The following GOLM1 variants were observed in gnomAD, a reference collection of about 807,000 sequenced individuals.
GOLM1 encodes golgi membrane protein 1.
In GOLM1, 31 loss-of-function variants were observed where a neutral mutation model predicts 50.5. The ratio of observed to expected loss-of-function variants is 0.61; its 90% CI spans 0.46 to 0.83. GOLM1 has a LOEUF of 0.83. Among genes scored for constraint, GOLM1 ranks in the 40% least tolerant of loss-of-function variants. The pLI, the probability that GOLM1 is intolerant of heterozygous loss-of-function variation, is 0.00. For missense variants in GOLM1, 491 were observed against 501.3 expected (o/e 0.98, Z 0.20); for synonymous variants, 178 against 192.8 (o/e 0.92, Z 0.64).
At position 86,087,012 on chromosome 9, in the gene GOLM1, G is replaced by A. The variant is rs139347528; in HGVS notation, c.-21-7671C>T. ...AGAAAGTCAAGGGTAGCTTGATGGC[G>A]ATAGCATTGAATCTATAAATTACTT... On this transcript the variant is annotated intron_variant, in intron 1 of 9. Transcript: ENST00000388712. 5.3e-3 allele frequency among the ~76,000 whole-genome samples: 804 copies of A among 152,270 alleles called. 8 individuals are homozygous for A. Among genetic ancestry groups the A allele is most frequent in the African/African-American group, 0.017 (725 of 41,560 alleles).
intron 1 of GOLM1, among the ~76,000 whole-genome samples, chr9:86,095,934 G>A (rs1835344126): frequency 6.6e-6 from 1 of 152,112 alleles, no homozygotes; most frequent in African/African-American, 2.4e-5. Flanking sequence ...TACTGATGTG[G>A]GTCAGGCCAA....
At chr9:86,038,415 G>A (rs72746687) in intron 6 of GOLM1, among the ~76,000 whole-genome samples, 46 of 152,184 alleles carry the variant, frequency 3.0e-4, no homozygotes, top group Middle Eastern at 3.4e-3. Flanking sequence ...GAGCTCCTGC[G>A]GGCATATTAT....
intron 1 of GOLM1, chr9:86,079,621 G>A (rs1013549812): frequency 6.9e-6 from 2 of 291,892 alleles, no homozygotes; most frequent in African/African-American, 4.3e-5. Flanking sequence ...GAGACCTGGG[G>A]CAAGACATGA....
At chr9:86,058,624 A>C (rs1192144225) in intron 3 of GOLM1, among the ~76,000 whole-genome samples, 3 of 143,990 alleles carry the variant, frequency 2.1e-5, no homozygotes, top group Non-Finnish European at 4.5e-5. Flanking sequence ...TGAACATAGG[A>C]GGCGGAGGTT....
chr9:86,089,889 G>A (rs1384250826), intron 1 of GOLM1, among the ~76,000 whole-genome samples: 1 of 152,120 alleles, frequency 6.6e-6, no homozygotes, highest in Non-Finnish European at 1.5e-5. Context: ...TCATCTTTGT[G>A]GATGTATCTA....
Position 86,079,208 on chromosome 9 carries a change from C to A in GOLM1, c.113G>T (p.Arg38Leu), listed in dbSNP as rs763578163. The A allele has an allele frequency of 6.3e-7, 1 of 1,595,250 alleles. No homozygotes were observed. The stretch of plus-strand genomic sequence containing the variant: ...ACAAAACACCTGGAGGTCCACGCTC[C>A]GGGAGCTCGCAATCCAGTAGTTGAA... Reference protein sequence around the residue: ...LGFNYWIASSRSVDLQTRIME... With the variant: ...LGFNYWIASSLSVDLQTRIME... Residue 38 changes from arginine (R) to leucine (L), a missense_variant, in exon 2 of 10, where the codon CGG becomes CTG. Physicochemically the swap from Arg to Leu is moderately radical, Grantham distance 102. Coordinates refer to ENST00000388712, the MANE Select transcript of GOLM1 (RefSeq NM_016548.4).
chr9:86,088,421 T>TAC (rs1644166269), intron 1 of GOLM1, among the ~76,000 whole-genome samples: 4 of 4,730 alleles, frequency 8.5e-4, no homozygotes, highest in Non-Finnish European at 7.9e-4. Context: ...TTGAAGGGTG[T>TAC]ATATATATAT....
chr9:86,060,961 C>G (rs1180247217), intron 3 of GOLM1, among the ~76,000 whole-genome samples: 1 of 141,424 alleles, frequency 7.1e-6, no homozygotes, highest in Non-Finnish European at 1.5e-5. Flanking sequence ...GTGACTGACA[C>G]TGAATACTTG....
At chr9:86,043,918 A>C (rs1286860162) in intron 5 of GOLM1, among the ~76,000 whole-genome samples, 2 of 152,178 alleles carry the variant, frequency 1.3e-5, no homozygotes, top group African/African-American at 2.4e-5. Flanking sequence ...TTTGTGTTTC[A>C]ATCTATATGA....
At chr9:86,036,315 C>A (rs764223641) in intron 7 of GOLM1, 33 bp downstream of exon 7, 1 of 1,612,698 alleles carries the variant, frequency 6.2e-7, no homozygotes, top group Non-Finnish European at 8.5e-7. Context: ...CTCTGGAGAG[C>A]TGGGAACAGG....
At chr9:86,035,208 G>A (rs1833095357) in intron 8 of GOLM1, 160 bp downstream of exon 8, 3 of 985,312 alleles carry the variant, frequency 3.0e-6, no homozygotes, top group Non-Finnish European at 3.6e-6. Flanking sequence ...CCTCCCTCTT[G>A]ATAACGAATA....
At chr9:86,029,078 C>G (rs925788326) in intron 9 of GOLM1, among the ~76,000 whole-genome samples, 4 of 151,948 alleles carry the variant, frequency 2.6e-5, no homozygotes, top group Non-Finnish European at 4.4e-5. Context: ...AGGATGATCT[C>G]GATCTCCTGA....
At position 86,037,186 on chromosome 9, in the gene GOLM1, A is replaced by C. The variant is rs547336201; in HGVS notation, c.598-679T>G. On this transcript the variant is annotated intron_variant, in intron 6 of 9. Coordinates refer to ENST00000388712, the MANE Select transcript of GOLM1 (RefSeq NM_016548.4). Reference sequence around the variant, plus strand: ...TCCCAGCACTTTGGGAGGCCGAGGCAGGCAGATCACCAGAGGTCAGAAGTT... The same window carrying C: ...TCCCAGCACTTTGGGAGGCCGAGGCCGGCAGATCACCAGAGGTCAGAAGTT... 2.0e-5 allele frequency among the ~76,000 whole-genome samples: 3 copies of C among 152,326 alleles called. No homozygotes were observed. The South Asian group carries it at 6.2e-4, about 32-fold the overall frequency.
At position 86,026,307 on chromosome 9, in the gene GOLM1, T is replaced by C. The variant is rs970457721; in HGVS notation, c.*1510A>G. On this transcript the variant is annotated 3_prime_UTR_variant, in exon 10 of 10. Coordinates refer to ENST00000388712, the MANE Select transcript of GOLM1 (RefSeq NM_016548.4). ...GACTTAGAAGAGTATGAAAGTACTCTAAGATTTTATCTAAGTTGCCTTTTC... is the reference window on the plus strand; with the variant it reads ...GACTTAGAAGAGTATGAAAGTACTCCAAGATTTTATCTAAGTTGCCTTTTC... 115 of 984,978 alleles carry C rather than the reference T, an allele frequency of 1.2e-4. No homozygotes were observed. Among genetic ancestry groups the C allele is most frequent in the Non-Finnish European group, 1.3e-4 (108 of 829,650 alleles). The allele number at this position is 984,978 out of a possible 1,614,324, so 61.0% of individuals were successfully genotyped here. A position where few individuals can be genotyped will look rare whatever the true frequency, so the allele number is the denominator to read the frequency against.
chr9:86,027,505 G>C lies in GOLM1; in HGVS notation c.*312C>G. 3 of 1,145,522 alleles carry C rather than the reference G, an allele frequency of 2.6e-6. No individual in the cohort carries two copies. The highest frequency in any genetic ancestry group is 3.2e-6 in the Non-Finnish European group (3 of 930,922). The allele number at this position is 1,145,522 out of a possible 1,614,324, so 71.0% of individuals were successfully genotyped here. ...TTAATTTACACAAAGTTATATTCCA[G>C]AATCAGGAAGCCCCGCTGTCGCCAA... On this transcript the variant is annotated 3_prime_UTR_variant, in exon 10 of 10. Transcript: ENST00000388712.
intron 3 of GOLM1, among the ~76,000 whole-genome samples, chr9:86,069,976 C>T (rs147204797): frequency 2.6e-5 from 4 of 152,040 alleles, no homozygotes; most frequent in African/African-American, 9.7e-5. Context: ...CTCCGCCTCC[C>T]GGGTTCAAGC....
intron 8 of GOLM1, among the ~76,000 whole-genome samples, chr9:86,034,208 C>T (rs893599618): frequency 1.3e-5 from 2 of 152,134 alleles, no homozygotes; most frequent in Non-Finnish European, 2.9e-5. Flanking sequence ...CATGATCCGC[C>T]CACCTCGGCC....
chr9:86,081,088 C>T (rs1834767474), intron 1 of GOLM1, among the ~76,000 whole-genome samples: 1 of 151,842 alleles, frequency 6.6e-6, no homozygotes, highest in Non-Finnish European at 1.5e-5. Context: ...CAGGGTCTCA[C>T]TATTGCCTAG....
intron 3 of GOLM1, among the ~76,000 whole-genome samples, chr9:86,068,565 G>A (rs1005976527): frequency 1.3e-5 from 2 of 152,162 alleles, no homozygotes; most frequent in African/African-American, 2.4e-5. Context: ...TGCACTTACT[G>A]CCAGGCCCCT....
Sources: allele counts gnomAD v4.1 joint callset (sites outside exome capture counted in the v4.1 genomes callset), GRCh38; gene constraint gnomAD v4.1.1; transcripts MANE v1.5; gene names NCBI Gene and HGNC (gene_info 2026-07-23, HGNC 2026-07-21).